STARD13: variants seen among roughly 807,000 people sequenced by gnomAD.
STARD13 encodes the protein StAR related lipid transfer domain containing 13.
Under a neutral mutation model 106.4 loss-of-function variants are expected in STARD13, and 62 were observed. The observed-to-expected ratio is 0.58, with a 90% CI of 0.48 to 0.72. The LOEUF (loss-of-function observed/expected upper bound fraction) is 0.72. Among genes scored for constraint, STARD13 ranks in the 30% least tolerant of loss-of-function variants. The pLI is 0.00. For synonymous variants in STARD13, 565 were observed against 553.0 expected (o/e 1.02, Z -0.31); for missense variants, 1,387 against 1,424.0 (o/e 0.97, Z 0.42).
chr13:33,330,326 G>A (rs767699477), intron 1 of STARD13, among the ~76,000 whole-genome samples: 6 of 152,166 alleles, frequency 3.9e-5, no homozygotes, highest in Admixed American at 1.3e-4. Context: ...GTTTTGACCT[G>A]CATTTACCTG....
At chr13:33,583,872 G>A in the STARD13 span, among the ~76,000 whole-genome samples, 11 of 146,798 alleles carry the variant, frequency 7.5e-5, no homozygotes, top group East Asian at 1.8e-3. Context: ...TTTTTCATTC[G>A]TCAGTAGGCA....
the STARD13 span, among the ~76,000 whole-genome samples, chr13:33,622,930 A>AG: frequency 7.0e-6 from 1 of 142,398 alleles, no homozygotes; most frequent in East Asian, 2.0e-4. Context: ...AAAAAAAAAA[A>AG]AAGAAAGAAA....
At chr13:33,578,451 A>T in the STARD13 span, among the ~76,000 whole-genome samples, 2 of 152,154 alleles carry the variant, frequency 1.3e-5, no homozygotes, top group Non-Finnish European at 2.9e-5. Context: ...CACATGTAGA[A>T]GAATGAAACT....
chr13:33,365,027 T>G, the STARD13 span, among the ~76,000 whole-genome samples: 1 of 152,054 alleles, frequency 6.6e-6, no homozygotes, highest in Admixed American at 6.5e-5. Flanking sequence ...CTGCGGGAAT[T>G]TACTCTGGAG....
At chr13:33,534,584 G>A in the STARD13 span, among the ~76,000 whole-genome samples, 3 of 152,100 alleles carry the variant, frequency 2.0e-5, no homozygotes, top group Non-Finnish European at 4.4e-5. Context: ...CATGTACTAT[G>A]TTAAGCAGGA....
chr13:33,483,732 A>G, the STARD13 span, among the ~76,000 whole-genome samples: 5 of 151,932 alleles, frequency 3.3e-5, no homozygotes, highest in Non-Finnish European at 7.4e-5. Flanking sequence ...GATCAGAGAG[A>G]TGGATTTGAG....
the STARD13 span, among the ~76,000 whole-genome samples, chr13:33,669,203 G>A: frequency 1.2e-3 from 184 of 152,270 alleles, no homozygotes; most frequent in Non-Finnish European, 1.6e-3. Context: ...CCTATAATCC[G>A]CAGAAGCAGA....
At chr13:33,579,225 A>C in the STARD13 span, among the ~76,000 whole-genome samples, 1 of 152,174 alleles carries the variant, frequency 6.6e-6, no homozygotes, top group East Asian at 1.9e-4. Flanking sequence ...AGTATAGTTC[A>C]CAATTGCAAA....
At chr13:33,440,799 A>AAG in the STARD13 span, among the ~76,000 whole-genome samples, 1 of 119,882 alleles carries the variant, frequency 8.3e-6, no homozygotes, top group African/African-American at 3.2e-5. Context: ...TTTTTAAGAT[A>AAG]GAGTCTCACT....
chr13:33,571,905 C>T, the STARD13 span, among the ~76,000 whole-genome samples: 1 of 152,080 alleles, frequency 6.6e-6, no homozygotes, highest in Admixed American at 6.6e-5. Context: ...ACCAAGAAAA[C>T]CCCACTGCAA....
At chr13:33,367,430 C>T in the STARD13 span, among the ~76,000 whole-genome samples, 30 of 151,890 alleles carry the variant, frequency 2.0e-4, no homozygotes, top group Non-Finnish European at 3.2e-4. Flanking sequence ...GTGATATCTG[C>T]GATTCAGTTA....
At chr13:33,119,441 C>G (rs989159585) in intron 7 of STARD13, among the ~76,000 whole-genome samples, 1 of 152,236 alleles carries the variant, frequency 6.6e-6, no homozygotes, top group East Asian at 1.9e-4. Flanking sequence ...TAATACAGGT[C>G]GTCTTACTGA....
chr13:33,530,188 A>C, the STARD13 span, among the ~76,000 whole-genome samples: 6 of 151,866 alleles, frequency 4.0e-5, no homozygotes, highest in Admixed American at 3.9e-4. Context: ...AAATACAGAG[A>C]AGCACACAAA....
At chr13:33,396,937 C>G in the STARD13 span, among the ~76,000 whole-genome samples, 1 of 151,962 alleles carries the variant, frequency 6.6e-6, no homozygotes, top group Non-Finnish European at 1.5e-5. Context: ...GGAACTCCAG[C>G]AAAAGCAAAA....
At chr13:33,409,579 A>G in the STARD13 span, among the ~76,000 whole-genome samples, 5 of 152,372 alleles carry the variant, frequency 3.3e-5, no homozygotes, top group Non-Finnish European at 5.9e-5. Context: ...TAGAGATTCA[A>G]CAGGGCAGAG....
At chr13:33,259,168 T>A (rs1890514823) in intron 1 of STARD13, among the ~76,000 whole-genome samples, 1 of 152,174 alleles carries the variant, frequency 6.6e-6, no homozygotes, top group South Asian at 2.1e-4. Flanking sequence ...GGGGCCCACA[T>A]CTTGTCTTGC....
chr13:33,465,531 C>T, the STARD13 span, among the ~76,000 whole-genome samples: 3 of 152,096 alleles, frequency 2.0e-5, no homozygotes, highest in Non-Finnish European at 4.4e-5. Flanking sequence ...GTATTTCTAT[C>T]ATTCATCTTC....
chr13:33,140,092 C>T (rs1879613414), intron 4 of STARD13, among the ~76,000 whole-genome samples: 6 of 152,168 alleles, frequency 3.9e-5, no homozygotes, highest in Admixed American at 3.9e-4. Context: ...CCGAAGTGAC[C>T]AATTTACAGA....
chr13:33,369,548 G>A, the STARD13 span, among the ~76,000 whole-genome samples: 119,324 of 152,156 alleles, frequency 0.78, 47,110 homozygotes, highest in East Asian at 0.95. Context: ...GTGTGGAAAC[G>A]GATCTAGTAG....
Sources: allele counts gnomAD v4.1 joint callset (sites outside exome capture counted in the v4.1 genomes callset), GRCh38; gene constraint gnomAD v4.1.1; transcripts MANE v1.5; gene names NCBI Gene and HGNC (gene_info 2026-07-23, HGNC 2026-07-21).